DCDC2C: variants seen among roughly 807,000 people sequenced by gnomAD.
DCDC2C encodes the protein doublecortin domain containing 2C.
A neutral mutation model predicts 45.0 loss-of-function variants in DCDC2C; 44 were observed. The ratio of observed to expected loss-of-function variants is 0.98; its 90% CI spans 0.77 to 1.26. DCDC2C has a LOEUF of 1.26. DCDC2C is among the 50% of genes most tolerant of loss of function. The pLI, the probability that DCDC2C is intolerant of heterozygous loss-of-function variation, is 0.00. For missense variants in DCDC2C, 447 were observed against 468.9 expected (o/e 0.95, Z 0.43); for synonymous variants, 187 against 178.8 (o/e 1.05, Z -0.37).
At chr2:3,719,444 A>T (rs749970084) in intron 2 of DCDC2C, among the ~76,000 whole-genome samples, 1 of 152,000 alleles carries the variant, frequency 6.6e-6, no homozygotes, top group Non-Finnish European at 1.5e-5. Context: ...GGCTGTCCAC[A>T]TTGGGTGTAA....
In DCDC2C at chr2:3,847,286, A is replaced by G. The variant is rs893714164; in HGVS notation, c.*103A>G. Reference sequence around the variant, plus strand: ...CAGCAAGAAAATCACATGTGGGGTGAAACTAAAGCCCCACACAGTGGTGTC... The same window carrying G: ...CAGCAAGAAAATCACATGTGGGGTGGAACTAAAGCCCCACACAGTGGTGTC... On this transcript the variant is annotated 3_prime_UTR_variant, in exon 11 of 11. Transcript: ENST00000399143. The G allele has an allele frequency of 5.0e-6, 4 of 801,998 alleles. No homozygotes were observed. The highest frequency in any genetic ancestry group is 6.7e-6 in the Non-Finnish European group (4 of 596,034). 49.7% of individuals were successfully genotyped at this position (801,998 alleles called of 1,614,324 possible).
At chr2:3,717,029 C>T (rs1205179290) in intron 2 of DCDC2C, among the ~76,000 whole-genome samples, 1 of 152,068 alleles carries the variant, frequency 6.6e-6, no homozygotes, top group Non-Finnish European at 1.5e-5. Context: ...TTGTTTCTTT[C>T]CTTCTCTTCT....
At chr2:3,725,700 G>GAGGGAGGAGGCTGCCCGGTGGATCCC (rs1668646085) in intron 2 of DCDC2C, among the ~76,000 whole-genome samples, 1 of 151,168 alleles carries the variant, frequency 6.6e-6, no homozygotes, top group Non-Finnish European at 1.5e-5. Context: ...GGATCCCAGA[G>GAGGGAGGAGGCTGCCCGGTGGATCCC]GGAGATGAGC....
chr2:3,727,429 A>AT (rs113461369), intron 3 of DCDC2C, among the ~76,000 whole-genome samples: 92 of 150,138 alleles, frequency 6.1e-4, no homozygotes, highest in East Asian at 2.9e-3. Flanking sequence ...CTTTGTTTTG[A>AT]TTTTTTTTTT....
intron 10 of DCDC2C, among the ~76,000 whole-genome samples, chr2:3,798,458 C>T (rs1364688035): frequency 1.3e-5 from 2 of 151,324 alleles, no homozygotes; most frequent in Non-Finnish European, 3.0e-5. Flanking sequence ...GCAGTTTCTT[C>T]CTAGTCTCGA....
intron 9 of DCDC2C, among the ~76,000 whole-genome samples, chr2:3,781,893 T>C (rs1558224943): frequency 6.6e-6 from 1 of 152,166 alleles, no homozygotes; most frequent in Non-Finnish European, 1.5e-5. Flanking sequence ...ATTACTACTA[T>C]ATATAGAAAA....
intron 10 of DCDC2C, chr2:3,844,652 T>A (rs1015334466): frequency 6.6e-6 from 1 of 152,238 alleles, no homozygotes; most frequent in East Asian, 1.9e-4. Context: ...GGTATGCTGG[T>A]GGAATATTAA....
intron 10 of DCDC2C, among the ~76,000 whole-genome samples, chr2:3,795,051 G>T (rs942188723): frequency 5.3e-5 from 8 of 152,150 alleles, no homozygotes; most frequent in African/African-American, 1.9e-4. Context: ...TTTAATGATT[G>T]CCATTCTAAC....
chr2:3,712,862 A>G (rs1572550784), intron 2 of DCDC2C, among the ~76,000 whole-genome samples: 1 of 152,142 alleles, frequency 6.6e-6, no homozygotes, highest in African/African-American at 2.4e-5. Context: ...CATCGTGTTC[A>G]ATGTCCAGAA....
intron 10 of DCDC2C, among the ~76,000 whole-genome samples, chr2:3,817,938 G>A (rs1353856470): frequency 1.3e-5 from 2 of 152,176 alleles, no homozygotes; most frequent in African/African-American, 2.4e-5. Context: ...AAGGAAAGGA[G>A]TTGCTGTTTT....
intron 4 of DCDC2C, among the ~76,000 whole-genome samples, chr2:3,749,427 A>C (rs1179138675): frequency 6.6e-6 from 1 of 152,196 alleles, no homozygotes; most frequent in East Asian, 1.9e-4. Flanking sequence ...GTCCCGGCTC[A>C]CATTTCTATG....
At chr2:3,822,712 T>C (rs1671723522) in intron 10 of DCDC2C, among the ~76,000 whole-genome samples, 1 of 152,134 alleles carries the variant, frequency 6.6e-6, no homozygotes, top group South Asian at 2.1e-4. Context: ...AGGTGGAAGT[T>C]TCAGTAACTG....
At chr2:3,776,285 T>C (rs1346705977) in intron 8 of DCDC2C, among the ~76,000 whole-genome samples, 2 of 152,224 alleles carry the variant, frequency 1.3e-5, no homozygotes, top group Non-Finnish European at 2.9e-5. Context: ...CTCAGTCCTC[T>C]TTGAGCGTGT....
rs748909852 is a variant in DCDC2C, at chr2:3,838,998, AT to A, written c.1066-8155del. On this transcript the variant is annotated intron_variant, in intron 10 of 10. Transcript: ENST00000399143. ...TGATGAGCATGTTTGAATACAGAAAATAAAATTATTTTTATATTTTAAGAAT... is the reference window on the plus strand; with the variant it reads ...TGATGAGCATGTTTGAATACAGAAAAAAAATTATTTTTATATTTTAAGAAT... Among the ~76,000 whole-genome samples, 3 of 152,298 alleles carry A rather than the reference AT, an allele frequency of 2.0e-5. No homozygotes were observed. The South Asian group carries it at 6.2e-4, about 32-fold the overall frequency.
intron 10 of DCDC2C, among the ~76,000 whole-genome samples, chr2:3,791,160 A>G (rs1479596883): frequency 6.6e-6 from 1 of 152,184 alleles, no homozygotes; most frequent in African/African-American, 2.4e-5. Flanking sequence ...GTATCCCTCT[A>G]TACATAGGAG....
chr2:3,708,865 T>G (rs1668135702), intron 2 of DCDC2C, among the ~76,000 whole-genome samples: 1 of 152,196 alleles, frequency 6.6e-6, no homozygotes, highest in South Asian at 2.1e-4. Context: ...TTAATTCAAG[T>G]GTTCATTTTC....
intron 7 of DCDC2C, 82 bp from the exon 8 acceptor site, chr2:3,769,229 C>G (rs1670095327): frequency 7.2e-7 from 1 of 1,384,362 alleles, no homozygotes; most frequent in African/African-American, 1.4e-5. Context: ...GGCTTCGTAA[C>G]TTGGGTTTGG....
chr2:3,805,699 C>T (rs966719986), intron 10 of DCDC2C, among the ~76,000 whole-genome samples: 4 of 152,178 alleles, frequency 2.6e-5, no homozygotes, highest in Admixed American at 6.5e-5. Flanking sequence ...TTAGGACTTA[C>T]GAATTGTTTA....
At chr2:3,715,587 C>T (rs537670785) in intron 2 of DCDC2C, among the ~76,000 whole-genome samples, 2 of 152,128 alleles carry the variant, frequency 1.3e-5, no homozygotes, top group Non-Finnish European at 2.9e-5. Context: ...TCCATCCATC[C>T]ATCCATCCAT....
Sources: allele counts gnomAD v4.1 joint callset (sites outside exome capture counted in the v4.1 genomes callset), GRCh38; gene constraint gnomAD v4.1.1; transcripts MANE v1.5; gene names NCBI Gene and HGNC (gene_info 2026-07-23, HGNC 2026-07-21).